The following NAV3 variants were observed in gnomAD, a reference collection of about 807,000 sequenced individuals.
NAV3 encodes the protein pore membrane and/or filament interacting like protein 1.
A neutral mutation model predicts 244.7 loss-of-function variants in NAV3; 87 were observed. The ratio of observed to expected loss-of-function variants is 0.36; its 90% CI spans 0.30 to 0.42. The LOEUF is 0.42. NAV3 is among the 20% of genes least tolerant of loss of function. The probability of loss-of-function intolerance (pLI) is 1.00; values close to 1 mark genes in which losing one functional copy is unlikely to be tolerated. For synonymous variants in NAV3, 1,126 were observed against 1,042.2 expected (o/e 1.08, Z -1.55); for missense variants, 2,663 against 2,893.3 (o/e 0.92, Z 1.83).
At chr12:77,856,029 G>A (rs1878345422) in intron 1 of NAV3, among the ~76,000 whole-genome samples, 1 of 152,110 alleles carries the variant, frequency 6.6e-6, no homozygotes. Flanking sequence ...ATGTAAGTCT[G>A]TTATTAGAAT....
intron 2 of NAV3, among the ~76,000 whole-genome samples, chr12:77,683,827 G>A (rs1031578883): frequency 6.6e-6 from 1 of 151,862 alleles, no homozygotes; most frequent in Non-Finnish European, 1.5e-5. Flanking sequence ...TGTTACAGTT[G>A]TATATCCCCC....
At chr12:77,814,257 A>C (rs1019884900) in intron 2 of NAV3, among the ~76,000 whole-genome samples, 1 of 151,812 alleles carries the variant, frequency 6.6e-6, no homozygotes, top group Non-Finnish European at 1.5e-5. Context: ...AAAAAAAAAA[A>C]CTCTAATGTT....
intron 2 of NAV3, among the ~76,000 whole-genome samples, chr12:77,775,027 A>G (rs562155246): frequency 6.6e-6 from 1 of 152,318 alleles, no homozygotes; most frequent in South Asian, 2.1e-4. Context: ...TAAGGATAAA[A>G]TAAGTAGGCA....
Position 78,156,814 on chromosome 12 carries a change from C to A in NAV3, c.4786-2389C>A, listed in dbSNP as rs1306981553. ...TTCTAACAGGTTAAACTGAAGTGACCATCATGGGCATATATATATATTTTA... is the reference window on the plus strand; with the variant it reads ...TTCTAACAGGTTAAACTGAAGTGACAATCATGGGCATATATATATATTTTA... On this transcript the variant is annotated intron_variant, in intron 22 of 39. Transcript: ENST00000397909. Among the ~76,000 whole-genome samples, 5 of 151,958 alleles carry A rather than the reference C, an allele frequency of 3.3e-5. No individual in the cohort carries two copies. In the East Asian group the frequency reaches 7.7e-4, roughly 23 times the overall value.
intron 31 of NAV3, among the ~76,000 whole-genome samples, 183 bp from the exon 32 acceptor site, chr12:78,188,065 T>C (rs546662805): frequency 6.6e-6 from 1 of 152,048 alleles, no homozygotes; most frequent in South Asian, 2.1e-4. Context: ...TTTGGTTGGT[T>C]AGTTGGCTGA....
At chr12:77,651,845 G>C (rs1444153244) in intron 2 of NAV3, among the ~76,000 whole-genome samples, 1 of 152,164 alleles carries the variant, frequency 6.6e-6, no homozygotes, top group Non-Finnish European at 1.5e-5. Flanking sequence ...GCTGGGCTGG[G>C]TGTAGCAACA....
chr12:77,863,228 G>A (rs937010324), intron 1 of NAV3, among the ~76,000 whole-genome samples: 1 of 151,792 alleles, frequency 6.6e-6, no homozygotes, highest in African/African-American at 2.4e-5. Context: ...CCATAGATAT[G>A]CGGATCAGAA....
At chr12:77,782,961 G>A (rs563520915) in intron 2 of NAV3, among the ~76,000 whole-genome samples, 7 of 152,238 alleles carry the variant, frequency 4.6e-5, no homozygotes, top group East Asian at 3.9e-4. Flanking sequence ...TCTCTGGGGC[G>A]TGAGGTGAAG....
At chr12:78,059,892 G>A (rs1429066939) in intron 12 of NAV3, among the ~76,000 whole-genome samples, 2 of 151,922 alleles carry the variant, frequency 1.3e-5, no homozygotes, top group Admixed American at 1.3e-4. Flanking sequence ...CCTTGAAGGT[G>A]TTGTAAACAT....
chr12:78,064,924 G>A (rs1884828716), intron 12 of NAV3, among the ~76,000 whole-genome samples: 1 of 152,098 alleles, frequency 6.6e-6, no homozygotes, highest in Non-Finnish European at 1.5e-5. Context: ...TTCAAGTGAA[G>A]CCAAGAGTCT....
chr12:77,798,274 A>G (rs1871530407), intron 2 of NAV3, among the ~76,000 whole-genome samples: 1 of 152,204 alleles, frequency 6.6e-6, no homozygotes, highest in Non-Finnish European at 1.5e-5. Context: ...AGGTAACACC[A>G]ACTGGATATT....
In NAV3 at chr12:77,743,619, T is replaced by C. The variant is rs540653979; in HGVS notation, c.72+171353T>C. 5.1e-4 allele frequency among the ~76,000 whole-genome samples: 78 copies of C among 151,748 alleles called. 1 individual carries two copies. Among genetic ancestry groups the C allele is most frequent in the Non-Finnish European group, 1.5e-4 (10 of 67,768 alleles). ...TATTCATAAAATGAAATACTACTCA[T>C]AAATAAAAAAGGAATAAACTGCTGA... On this transcript the variant is annotated intron_variant, in intron 2 of 8. Transcript: ENST00000550042.
chr12:78,078,904 T>A (rs1043179639), intron 12 of NAV3, among the ~76,000 whole-genome samples: 3 of 152,222 alleles, frequency 2.0e-5, no homozygotes, highest in Non-Finnish European at 1.5e-5. Flanking sequence ...GAGAAGTATT[T>A]AGAAAAATCA....
intron 1 of NAV3, among the ~76,000 whole-genome samples, chr12:77,861,107 A>C (rs950242442): frequency 6.6e-6 from 1 of 151,884 alleles, no homozygotes; most frequent in African/African-American, 2.4e-5. Flanking sequence ...CATAACCATG[A>C]TTGTCTCCTA....
At chr12:77,632,282 A>G (rs192478941) in intron 2 of NAV3, among the ~76,000 whole-genome samples, 10 of 152,230 alleles carry the variant, frequency 6.6e-5, no homozygotes, top group Admixed American at 3.3e-4. Context: ...TATATCACCA[A>G]TCTGTATTAG....
At chr12:77,627,816 G>T (rs1565743112) in intron 2 of NAV3, among the ~76,000 whole-genome samples, 2 of 152,088 alleles carry the variant, frequency 1.3e-5, no homozygotes, top group African/African-American at 2.4e-5. Context: ...AGAAAATGTG[G>T]TATATATATA....
intron 2 of NAV3, among the ~76,000 whole-genome samples, chr12:77,680,767 A>C (rs1170038547): frequency 6.6e-6 from 1 of 151,488 alleles, no homozygotes; most frequent in East Asian, 1.9e-4. Context: ...ACGAGAATGG[A>C]AAGTTAAAAG....
intron 1 of NAV3, among the ~76,000 whole-genome samples, chr12:77,903,876 CA>C (rs1298805194): frequency 1.3e-5 from 2 of 152,006 alleles, no homozygotes; most frequent in African/African-American, 4.8e-5. Flanking sequence ...TTTATGCAGC[CA>C]AAAGACACAT....
At chr12:78,132,494 C>G (rs1004524453) in intron 18 of NAV3, among the ~76,000 whole-genome samples, 3 of 152,114 alleles carry the variant, frequency 2.0e-5, no homozygotes, top group African/African-American at 7.2e-5. Flanking sequence ...AACTACAATT[C>G]TTTCTCCTGG....
Sources: allele counts gnomAD v4.1 joint callset (sites outside exome capture counted in the v4.1 genomes callset), GRCh38; gene constraint gnomAD v4.1.1; transcripts MANE v1.5; gene names NCBI Gene and HGNC (gene_info 2026-07-23, HGNC 2026-07-21).